The following SOCS2 variants were observed in gnomAD, a reference collection of about 807,000 sequenced individuals.
SOCS2 encodes the protein suppressor of cytokine signaling 2.
A neutral mutation model predicts 18.6 loss-of-function variants in SOCS2; 10 were observed. The observed-to-expected ratio is 0.54, with a 90% CI of 0.33 to 0.91. The LOEUF is 0.91. Ranked by LOEUF, SOCS2 falls within the 40% of genes least tolerant of loss-of-function variation. SOCS2 has a pLI of 0.02. For missense variants in SOCS2, 231 were observed against 247.2 expected (o/e 0.93, Z 0.44); for synonymous variants, 104 against 104.0 (o/e 1.00, Z 0.00).
the SOCS2 span, among the ~76,000 whole-genome samples, chr12:93,614,362 C>CTTTCTTTCTTTCTTTCT: frequency 1.9e-4 from 15 of 79,470 alleles, 1 homozygote; most frequent in African/African-American, 5.9e-4. Context: ...AGCAATTTTC[C>CTTTCTTTCTTTCTTTCT]TTCTTTCTTT....
the SOCS2 span, among the ~76,000 whole-genome samples, chr12:93,614,405 CT>C: frequency 7.1e-6 from 1 of 140,808 alleles, no homozygotes; most frequent in Non-Finnish European, 1.5e-5. Context: ...TTCTTTCTTT[CT>C]TTCTTTCTTT....
the SOCS2 span, among the ~76,000 whole-genome samples, chr12:93,603,619 A>AT: frequency 1.3e-5 from 2 of 151,950 alleles, no homozygotes; most frequent in African/African-American, 2.4e-5. Flanking sequence ...TACCTTTATT[A>AT]TTTTTTTTAA....
At chr12:93,580,110 G>A (rs570725682), downstream of SOCS2, among the ~76,000 whole-genome samples, 1 of 152,308 alleles carries the variant, frequency 6.6e-6, no homozygotes, top group South Asian at 2.1e-4. Flanking sequence ...CACCCAAGGA[G>A]CCCCCTTGCC....
chr12:93,624,355 G>A, the SOCS2 span, among the ~76,000 whole-genome samples: 3 of 152,134 alleles, frequency 2.0e-5, no homozygotes, highest in Non-Finnish European at 2.9e-5. Context: ...GGTGGATCAC[G>A]AGGTCAAGAG....
the SOCS2 span, among the ~76,000 whole-genome samples, chr12:93,600,633 A>AT: frequency 1.6e-4 from 24 of 151,302 alleles, no homozygotes; most frequent in South Asian, 5.0e-3. Context: ...ATTTATAGAG[A>AT]TTTTTTTATG....
At chr12:93,597,335 C>CTTTTTT in the SOCS2 span, among the ~76,000 whole-genome samples, 1 of 148,834 alleles carries the variant, frequency 6.7e-6, no homozygotes, top group Non-Finnish European at 1.5e-5. Flanking sequence ...TTTCAAATCC[C>CTTTTTT]TTTTTTTTTT....
downstream of SOCS2, among the ~76,000 whole-genome samples, chr12:93,578,637 A>G (rs955206079): frequency 6.6e-6 from 1 of 151,624 alleles, no homozygotes; most frequent in African/African-American, 2.4e-5. Context: ...TATGGATTTT[A>G]TGGAAGACTT....
chr12:93,594,559 T>G, the SOCS2 span, among the ~76,000 whole-genome samples: 1 of 152,196 alleles, frequency 6.6e-6, no homozygotes, highest in East Asian at 1.9e-4. Context: ...TTTCCATTTT[T>G]GTTTTCCAAA....
chr12:93,596,277 C>T, the SOCS2 span, among the ~76,000 whole-genome samples: 1 of 152,180 alleles, frequency 6.6e-6, no homozygotes, highest in East Asian at 1.9e-4. Flanking sequence ...ACCACATAGT[C>T]TGTTTACATT....
In SOCS2 at chr12:93,574,942, C is replaced by G; in HGVS notation, c.360C>G (p.Asp120Glu). ...ICVKSKLKQF[D>E]SVVHLIDYYV... is the part of the protein sequence containing the mutation. The stretch of plus-strand genomic sequence containing the variant: ...TCAAATCCAAGCTTAAACAATTTGA[C>G]AGTGTGGTTCATCTGATCGACTACT... The change falls in exon 2 of 2, where the codon GAC becomes GAG. Residue 120 changes from aspartate to glutamate, a missense_variant. By Grantham distance (45) the Asp-to-Glu change is conservative (BLOSUM62 2). Around this residue, in one of 3 missense-constraint regions of SOCS2, gnomAD observed 122 missense variants for 127.2 expected, o/e 0.96. Transcript: ENST00000551556. 6.2e-7 allele frequency: 1 copy of G among 1,614,190 alleles called. No individual in the cohort carries two copies. Among genetic ancestry groups the G allele is most frequent in the Non-Finnish European group, 8.5e-7 (1 of 1,180,044 alleles).
chr12:93,602,818 C>G, the SOCS2 span, among the ~76,000 whole-genome samples: 1 of 152,144 alleles, frequency 6.6e-6, no homozygotes, highest in Admixed American at 6.5e-5. Context: ...CTTGACTCTG[C>G]GAGGAGAGGG....
At chr12:93,624,961 A>G in the SOCS2 span, among the ~76,000 whole-genome samples, 4 of 152,236 alleles carry the variant, frequency 2.6e-5, no homozygotes. Flanking sequence ...ATACCTTATG[A>G]GCTACCTTTA....
chr12:93,574,085 A>G (rs975258139), intron 1 of SOCS2: 1 of 152,102 alleles, frequency 6.6e-6, no homozygotes, highest in Non-Finnish European at 1.5e-5. Flanking sequence ...TTTCTTAGTG[A>G]CTGGTAAGGT....
chr12:93,598,957 C>T, the SOCS2 span, among the ~76,000 whole-genome samples: 7 of 152,142 alleles, frequency 4.6e-5, no homozygotes, highest in Admixed American at 2.0e-4. Flanking sequence ...TCCCTAGTGC[C>T]TAGCTGTTTA....
At chr12:93,571,953 G>C (rs1215450418), upstream of SOCS2, 10 of 340,914 alleles carry the variant, frequency 2.9e-5, no homozygotes, top group South Asian at 1.8e-4. Context: ...TTTCCGCAGC[G>C]CTCGCGACCG....
chr12:93,588,579 G>A, the SOCS2 span, among the ~76,000 whole-genome samples: 1 of 151,644 alleles, frequency 6.6e-6, no homozygotes, highest in Non-Finnish European at 1.5e-5. Flanking sequence ...AGGAAGAGGA[G>A]TTGGAAGAAT....
upstream of SOCS2, chr12:93,570,783 T>G (rs1000578390): frequency 6.6e-6 from 1 of 152,602 alleles, no homozygotes; most frequent in East Asian, 1.9e-4. Context: ...GACCCCGGCG[T>G]GCACACCGCC....
At chr12:93,612,327 C>A in the SOCS2 span, among the ~76,000 whole-genome samples, 1 of 152,104 alleles carries the variant, frequency 6.6e-6, no homozygotes, top group African/African-American at 2.4e-5. Flanking sequence ...TATCATGCAC[C>A]TGTCCTTTGG....
At chr12:93,591,275 A>C in the SOCS2 span, among the ~76,000 whole-genome samples, 1 of 152,104 alleles carries the variant, frequency 6.6e-6, no homozygotes, top group South Asian at 2.1e-4. Flanking sequence ...AAAAAAAAAA[A>C]AACAAGGCTC....
Sources: allele counts gnomAD v4.1 joint callset (sites outside exome capture counted in the v4.1 genomes callset), GRCh38; gene constraint gnomAD v4.1.1; regional missense constraint gnomAD v4.1.1; transcripts MANE v1.5; gene names NCBI Gene and HGNC (gene_info 2026-07-23, HGNC 2026-07-21).